The following PARD6G variants were observed in gnomAD, a reference collection of about 807,000 sequenced individuals.
The protein encoded by PARD6G is par-6 family cell polarity regulator gamma.
In PARD6G, 7 loss-of-function variants were observed where a neutral mutation model predicts 10.7. The ratio of observed to expected loss-of-function variants is 0.66; its 90% CI spans 0.37 to 1.23. The LOEUF (loss-of-function observed/expected upper bound fraction) is 1.23. Among genes scored for constraint, PARD6G ranks in the 50% most tolerant of loss-of-function variants. PARD6G has a pLI of 0.02. For missense variants in PARD6G, 548 were observed against 571.8 expected, an observed-to-expected ratio of 0.96 and a Z score of 0.42; for synonymous variants, 287 against 269.4, an observed-to-expected ratio of 1.07 and a Z score of -0.64.
Position 80,219,398 on chromosome 18 carries a change from T to C in PARD6G, c.73-16466A>G, listed in dbSNP as rs540129118. ...TAATTTTTGTATTTTTTAGTAGAGA[T>C]GCAGTTTCACCATGTTGGCTAGGCT... On this transcript the variant is annotated intron_variant, in intron 1 of 2. Coordinates refer to ENST00000353265, the MANE Select transcript of PARD6G (RefSeq NM_032510.4). Among the ~76,000 whole-genome samples, 4 of 152,220 alleles carry C rather than the reference T, an allele frequency of 2.6e-5. No homozygotes were observed. The East Asian group carries it at 5.8e-4, about 22-fold the overall frequency.
chr18:80,213,082 G>C (rs1044892010), intron 1 of PARD6G, among the ~76,000 whole-genome samples: 4 of 152,076 alleles, frequency 2.6e-5, no homozygotes, highest in Admixed American at 2.0e-4. Flanking sequence ...ATTACCAGTG[G>C]TTTTGCTTAA....
At chr18:80,208,845 G>A (rs1967080557) in intron 1 of PARD6G, among the ~76,000 whole-genome samples, 3 of 152,188 alleles carry the variant, frequency 2.0e-5, no homozygotes, top group Admixed American at 1.3e-4. Context: ...ATTGGCCAGC[G>A]ATGGCTGATG....
intron 1 of PARD6G, among the ~76,000 whole-genome samples, chr18:80,235,575 G>A (rs1191008488): frequency 6.6e-6 from 1 of 152,102 alleles, no homozygotes. Context: ...CCAGGAGCTG[G>A]TTTTTTGAAA....
rs1457044594 is a variant in PARD6G, at chr18:80,182,160, T to C, written c.295+20550A>G. 6.6e-6 allele frequency among the ~76,000 whole-genome samples: 1 copy of C among 152,186 alleles called. No homozygotes were observed. The highest frequency in any genetic ancestry group is 1.5e-5 in the Non-Finnish European group (1 of 68,034). On this transcript the variant is annotated intron_variant, in intron 2 of 2. Transcript: ENST00000353265. The surrounding 1 kb of genome is among the most constrained non-coding windows in gnomAD (Gnocchi z 4.5). ...CCTCCCACTTCCACAACTGCGACCT[T>C]GTCTTTGACCTTGAACTTCTGTCTC...
At chr18:80,194,943 A>G (rs920906832) in intron 2 of PARD6G, among the ~76,000 whole-genome samples, 2 of 152,134 alleles carry the variant, frequency 1.3e-5, no homozygotes, top group African/African-American at 4.8e-5. Flanking sequence ...CTGCTAGAGA[A>G]CAGCAGCGCC....
chr18:80,180,708 C>A lies in PARD6G; in HGVS notation c.296-20102G>T, dbSNP rs2052844412. On this transcript the variant is annotated intron_variant, in intron 2 of 2. Transcript: ENST00000353265. The surrounding 1 kb of genome is among the most constrained non-coding windows in gnomAD (Gnocchi z 5.6). ...GCAGAGGCACCACAGGCTCTTGGGT[C>A]CCCTCATACAAGCTTTGTCAGGGGG... Among the ~76,000 whole-genome samples, 1 of 152,132 alleles carries A rather than the reference C, an allele frequency of 6.6e-6. No homozygotes were observed. Among genetic ancestry groups the A allele is most frequent in the Non-Finnish European group, 1.5e-5 (1 of 68,018 alleles).
rs185219135 is a variant in PARD6G, at chr18:80,215,671, C to T, written c.73-12739G>A. Among the ~76,000 whole-genome samples the T allele has an allele frequency of 2.8e-3, 430 of 151,844 alleles. 1 individual carries two copies. The highest frequency in any genetic ancestry group is 9.9e-3 in the African/African-American group (410 of 41,440). Reference sequence around the variant, plus strand: ...GAAACAACAAAGAAATAAAACTGTACGTAAAAATATTTAACAGAAAAGAAA... The same window carrying T: ...GAAACAACAAAGAAATAAAACTGTATGTAAAAATATTTAACAGAAAAGAAA... On this transcript the variant is annotated intron_variant, in intron 1 of 2. Transcript: ENST00000353265.
At chr18:80,208,727 ACCTTG>A (rs2145285107) in intron 1 of PARD6G, among the ~76,000 whole-genome samples, 1 of 151,972 alleles carries the variant, frequency 6.6e-6, no homozygotes, top group Admixed American at 6.6e-5. Context: ...ACATAGCAAG[ACCTTG>A]TTTATGTTAA....
chr18:80,227,692 C>G (rs1202113399), intron 1 of PARD6G, among the ~76,000 whole-genome samples: 2 of 152,228 alleles, frequency 1.3e-5, no homozygotes, highest in Non-Finnish European at 2.9e-5. Context: ...AAGGCAGGCA[C>G]TGCGTCTGTT....
At chr18:80,206,706 C>A (rs1967057427) in intron 1 of PARD6G, among the ~76,000 whole-genome samples, 1 of 152,200 alleles carries the variant, frequency 6.6e-6, no homozygotes, top group Non-Finnish European at 1.5e-5. Flanking sequence ...AGTGTTGACA[C>A]CCAACAATAA....
intron 1 of PARD6G, among the ~76,000 whole-genome samples, chr18:80,204,055 C>T (rs1417355215): frequency 1.3e-5 from 2 of 152,088 alleles, no homozygotes; most frequent in African/African-American, 4.8e-5. Flanking sequence ...CGCAGAGCTC[C>T]AGGATACCCT....
At chr18:80,194,863 A>C (rs1322363862) in intron 2 of PARD6G, among the ~76,000 whole-genome samples, 5 of 152,218 alleles carry the variant, frequency 3.3e-5, no homozygotes. Context: ...CCAGGGGCTC[A>C]AGTGAGCCCC....
chr18:80,233,174 G>A (rs772068488), intron 1 of PARD6G, among the ~76,000 whole-genome samples: 1 of 152,202 alleles, frequency 6.6e-6, no homozygotes, highest in Non-Finnish European at 1.5e-5. Context: ...CAGACACACA[G>A]TGTCACCTTC....
intron 1 of PARD6G, among the ~76,000 whole-genome samples, chr18:80,221,669 A>G (rs1967231463): frequency 6.6e-6 from 1 of 152,222 alleles, no homozygotes; most frequent in Admixed American, 6.5e-5. Flanking sequence ...CTTTCACATC[A>G]TCTATTTAAC....
intron 1 of PARD6G, 83 bp from the exon 2 acceptor site, chr18:80,203,015 T>C: frequency 2.2e-6 from 2 of 898,938 alleles, no homozygotes; most frequent in East Asian, 2.5e-5. Flanking sequence ...GTTAGTGTAC[T>C]TAACAAACAA....
In PARD6G at chr18:80,228,797, T is replaced by G. The variant is rs1016710434; in HGVS notation, c.72+18480A>C. 6.6e-6 allele frequency among the ~76,000 whole-genome samples: 1 copy of G among 152,252 alleles called. No homozygotes were observed. The highest frequency in any genetic ancestry group is 2.4e-5 in the African/African-American group (1 of 41,536). On this transcript the variant is annotated intron_variant, in intron 1 of 2. Coordinates refer to ENST00000353265, the MANE Select transcript of PARD6G (RefSeq NM_032510.4). The surrounding 1 kb of genome is among the most constrained non-coding windows in gnomAD (Gnocchi z 4.6). ...CCTACAGGTGAGAACAGTGAACAAC[T>G]GCAGGTGATCAGAAACAGAGACAGA...
At chr18:80,209,396 G>T (rs1337945370) in intron 1 of PARD6G, among the ~76,000 whole-genome samples, 4 of 152,148 alleles carry the variant, frequency 2.6e-5, no homozygotes, top group Non-Finnish European at 4.4e-5. Context: ...CTATTTTGTA[G>T]TTGACCCCAA....
chr18:80,247,126 C>G lies in PARD6G; in HGVS notation c.72+151G>C. The G allele has an allele frequency of 2.0e-6, 1 of 502,092 alleles. No homozygotes were observed. Among genetic ancestry groups the G allele is most frequent in the Admixed American group, 4.5e-5 (1 of 22,376 alleles). The allele number at this position is 502,092 out of a possible 1,614,324, so 31.1% of individuals were successfully genotyped here. ...GGAAGGACGGCCGGGGTCCCCAGTGCGCGTCCCGCGGAGCGGCGCGCGGCG... is the reference window on the plus strand; with the variant it reads ...GGAAGGACGGCCGGGGTCCCCAGTGGGCGTCCCGCGGAGCGGCGCGCGGCG... On this transcript the variant is annotated intron_variant, in intron 1 of 2. Transcript: ENST00000353265. The surrounding 1 kb of genome is among the most constrained non-coding windows in gnomAD (Gnocchi z 4.2).
intron 2 of PARD6G, chr18:80,168,854 T>C (rs923569179): frequency 5.9e-6 from 1 of 169,284 alleles, no homozygotes; most frequent in Admixed American, 6.5e-5. Context: ...AGTCTGGTCC[T>C]ATGAAGCTCT....
Sources: gnomAD v4.1 joint callset for allele counts (sites outside exome capture counted in the v4.1 genomes callset) on GRCh38, gnomAD v4.1.1 for gene constraint, Gnocchi (gnomAD v3.1) non-coding constraint, MANE v1.5 for transcripts, NCBI Gene and HGNC (gene_info 2026-07-23, HGNC 2026-07-21) for gene names.